The following WSB1 variants were observed in gnomAD, a reference collection of about 807,000 sequenced individuals.
WSB1 encodes the protein WD repeat and SOCS box-containing protein 1.
A neutral mutation model predicts 50.2 loss-of-function variants in WSB1; 23 were observed. The observed-to-expected ratio is 0.46, with a 90% CI of 0.33 to 0.65. The LOEUF (loss-of-function observed/expected upper bound fraction) is 0.65, where lower values mean the gene tolerates loss of function less well. Among genes scored for constraint, WSB1 ranks in the 30% least tolerant of loss-of-function variants. The pLI, the probability that WSB1 is intolerant of heterozygous loss-of-function variation, is 0.02. For synonymous variants in WSB1, 179 were observed against 172.0 expected (o/e 1.04, Z -0.32); for missense variants, 492 against 522.3 (o/e 0.94, Z 0.56).
intron 5 of WSB1, chr17:27,308,394 G>C: frequency 1.0e-6 from 1 of 984,936 alleles, no homozygotes; most frequent in Non-Finnish European, 1.2e-6. Context: ...TTAAATAATT[G>C]AACCGTTTTA....
At chr17:27,297,850 G>A (rs2017046973) in intron 1 of WSB1, among the ~76,000 whole-genome samples, 1 of 151,920 alleles carries the variant, frequency 6.6e-6, no homozygotes, top group South Asian at 2.1e-4. Flanking sequence ...GCTCATGCGT[G>A]TAATCCCAGC....
At chr17:27,307,179 A>C (rs917594870) in intron 5 of WSB1, 3 of 274,440 alleles carry the variant, frequency 1.1e-5, no homozygotes, top group African/African-American at 6.7e-5. Context: ...CTATATGTTA[A>C]GACATTCCCT....
chr17:27,302,379 C>G (rs1368394794), intron 2 of WSB1: 1 of 149,948 alleles, frequency 6.7e-6, no homozygotes, highest in Non-Finnish European at 1.5e-5. Context: ...CCACTGCACT[C>G]CAGCCTGGGT....
intron 5 of WSB1, chr17:27,307,790 C>T (rs1485617904): frequency 2.0e-6 from 3 of 1,533,248 alleles, no homozygotes; most frequent in Non-Finnish European, 2.6e-6. Context: ...TGGCACCACT[C>T]GCACACAGGC....
chr17:27,303,339 A>G (rs753804531), intron 2 of WSB1, 28 bp from the exon 3 acceptor site: 2 of 1,608,358 alleles, frequency 1.2e-6, no homozygotes, highest in Non-Finnish European at 1.7e-6. Flanking sequence ...ATAATAATAC[A>G]ATTTCCATCT....
intron 3 of WSB1, among the ~76,000 whole-genome samples, chr17:27,304,577 T>C (rs1035548799): frequency 7.2e-5 from 9 of 125,374 alleles, no homozygotes; most frequent in Non-Finnish European, 1.4e-4. Context: ...CCAGCCGTGG[T>C]GACTTGTAAC....
chr17:27,299,546 A>C (rs1283855417), intron 1 of WSB1, among the ~76,000 whole-genome samples: 1 of 152,208 alleles, frequency 6.6e-6, no homozygotes, highest in African/African-American at 2.4e-5. Context: ...AGTAAAGTTA[A>C]TGTCATCTTA....
chr17:27,307,115 GTT>G (rs772741598), intron 5 of WSB1: 231 of 378,288 alleles, frequency 6.1e-4, no homozygotes, highest in Middle Eastern at 1.4e-3. Flanking sequence ...GCATATCAGG[GTT>G]TTTTTTTTTT....
intron 4 of WSB1, 92 bp from the exon 5 acceptor site, chr17:27,306,690 A>C (rs1374112484): frequency 2.4e-6 from 3 of 1,268,128 alleles, no homozygotes; most frequent in Non-Finnish European, 3.3e-6. Flanking sequence ...TCAGCTATAA[A>C]TGTTTGTGAT....
intron 5 of WSB1, 94 bp from the exon 6 acceptor site, chr17:27,309,003 TATA>T: frequency 1.2e-5 from 17 of 1,393,738 alleles, no homozygotes; most frequent in South Asian, 1.8e-5. Flanking sequence ...TAATGCTTAA[TATA>T]ATCTTAATTA....
rs547330535 is a variant in WSB1, at chr17:27,294,272, G to T, written c.-124G>T. On this transcript the variant is annotated 5_prime_UTR_variant, in exon 1 of 9. Coordinates refer to ENST00000262394, the MANE Select transcript of WSB1 (RefSeq NM_015626.10). ...AGCAGAAGCCGCAGCGGCCGCCCCC[G>T]CCCGTCTCCTCTGTCCCTGGGCCCG... 8 of 1,347,786 alleles carry T rather than the reference G, an allele frequency of 5.9e-6. No individual in the cohort carries two copies. In the South Asian group the frequency reaches 1.0e-4, roughly 17 times the overall value. The allele number at this position is 1,347,786 out of a possible 1,614,324, so 83.5% of individuals were successfully genotyped here. A position where few individuals can be genotyped will look rare whatever the true frequency, so the allele number is the denominator to read the frequency against.
rs756441345 is a variant in WSB1 at position 27,303,571 on chromosome 17, A to G, written c.414A>G (p.Gln138=). ...AATGGCATCGCTTCAGATTTGGACA[A>G]GATCAGCTACTTCTTGCTACAGGGT... ...NIEWHRFRFG[Q]DQLLLATGLN... The change falls in exon 3 of 9, where the codon CAA becomes CAG. Residue 138 remains glutamine (Q), a synonymous_variant. Transcript: ENST00000262394. The G allele has an allele frequency of 1.9e-6, 3 of 1,614,206 alleles. No homozygotes were observed. Among genetic ancestry groups the G allele is most frequent in the East Asian group, 2.2e-5 (1 of 44,880 alleles).
chr17:27,298,049 C>A (rs558450236), intron 1 of WSB1, among the ~76,000 whole-genome samples: 35 of 148,126 alleles, frequency 2.4e-4, no homozygotes, highest in Middle Eastern at 3.5e-3. Flanking sequence ...TGCTTGAACC[C>A]GGGAGGCAGA....
intron 7 of WSB1, among the ~76,000 whole-genome samples, chr17:27,311,024 A>C (rs2017658615): frequency 6.6e-6 from 1 of 151,762 alleles, no homozygotes; most frequent in Non-Finnish European, 1.5e-5. Flanking sequence ...TTTTTTAAAA[A>C]ATTTTTTGTA....
chr17:27,304,693 C>A, intron 3 of WSB1, 87 bp from the exon 4 acceptor site: 1 of 1,357,478 alleles, frequency 7.4e-7, no homozygotes, highest in Non-Finnish European at 1.0e-6. Context: ...GCCTGAGTGA[C>A]AGAGTGAGAC....
At chr17:27,305,418 G>A (rs2017407592) in intron 4 of WSB1, among the ~76,000 whole-genome samples, 1 of 152,238 alleles carries the variant, frequency 6.6e-6, no homozygotes, top group African/African-American at 2.4e-5. Flanking sequence ...AAGATTTACT[G>A]TCCAATACAA....
intron 5 of WSB1, chr17:27,307,981 T>TC: frequency 1.6e-6 from 2 of 1,246,154 alleles, no homozygotes; most frequent in Non-Finnish European, 2.0e-6. Context: ...TAAAGTAATT[T>TC]CCCCCACAGT....
intron 4 of WSB1, among the ~76,000 whole-genome samples, chr17:27,305,600 C>T (rs1420019490): frequency 5.3e-5 from 8 of 152,198 alleles, no homozygotes; most frequent in Non-Finnish European, 1.0e-4. Flanking sequence ...CTAACAGCCT[C>T]AAGCTGGAGG....
chr17:27,304,647 G>A, intron 3 of WSB1, 133 bp from the exon 4 acceptor site: 2 of 790,056 alleles, frequency 2.5e-6, no homozygotes, highest in Non-Finnish European at 3.8e-6. Flanking sequence ...AGGAGGTCGA[G>A]GCTGTAGTGA....
Sources: allele counts gnomAD v4.1 joint callset (sites outside exome capture counted in the v4.1 genomes callset), GRCh38; gene constraint gnomAD v4.1.1; transcripts MANE v1.5; gene names NCBI Gene and HGNC (gene_info 2026-07-23, HGNC 2026-07-21).